MARCHF3: variants seen among roughly 807,000 people sequenced by gnomAD.
MARCHF3 encodes the protein E3 ubiquitin-protein ligase MARCHF3.
MARCHF3 carries 13 observed loss-of-function variants against 24.2 expected under a neutral mutation model. That is an observed-to-expected ratio of 0.54 (90% CI 0.35 to 0.85). The LOEUF (loss-of-function observed/expected upper bound fraction) is 0.85. MARCHF3 is among the 40% of genes least tolerant of loss of function. The pLI is 0.01. For missense variants in MARCHF3, 276 were observed against 325.0 expected (o/e 0.85, Z 1.16); for synonymous variants, 144 against 137.3 (o/e 1.05, Z -0.34).
At chr5:126,914,310 C>T (rs1317444874) in intron 3 of MARCHF3, among the ~76,000 whole-genome samples, 1 of 151,994 alleles carries the variant, frequency 6.6e-6, no homozygotes. Flanking sequence ...AGGTTATTGG[C>T]TGAAAAAAGT....
At chr5:126,927,573 C>T (rs1749336719) in intron 1 of MARCHF3, among the ~76,000 whole-genome samples, 1 of 152,220 alleles carries the variant, frequency 6.6e-6, no homozygotes, top group Non-Finnish European at 1.5e-5. Context: ...CATCTTGGTA[C>T]AGAGTGGCCT....
At chr5:126,946,193 A>C (rs866882466) in intron 1 of MARCHF3, 4 of 152,142 alleles carry the variant, frequency 2.6e-5, no homozygotes, top group Admixed American at 6.5e-5. Context: ...CAACACAGTG[A>C]AACCCCCATC....
chr5:127,004,695 T>C (rs955206872), intron 1 of MARCHF3, among the ~76,000 whole-genome samples: 9 of 152,268 alleles, frequency 5.9e-5, no homozygotes, highest in African/African-American at 2.2e-4. Flanking sequence ...TGCTCAGACA[T>C]AGGAAGGAGT....
At chr5:126,909,683 C>A (rs111501221) in intron 3 of MARCHF3, among the ~76,000 whole-genome samples, 13,974 of 152,120 alleles carry the variant, frequency 0.092, 1,422 homozygotes, top group African/African-American at 0.25. Flanking sequence ...CACACGGTGC[C>A]CGCACCCACT....
chr5:126,883,309 C>T (rs939090176), intron 3 of MARCHF3, among the ~76,000 whole-genome samples: 5 of 152,300 alleles, frequency 3.3e-5, no homozygotes, highest in African/African-American at 1.2e-4. Flanking sequence ...ATTCCGTGGG[C>T]AACCAAGGGC....
chr5:126,944,514 T>C (rs1580668037), intron 1 of MARCHF3, among the ~76,000 whole-genome samples: 1 of 152,136 alleles, frequency 6.6e-6, no homozygotes, highest in East Asian at 1.9e-4. Context: ...GCCCAGGAAG[T>C]TGAGGCTGCA....
At chr5:126,977,359 T>C (rs1055575791) in intron 1 of MARCHF3, among the ~76,000 whole-genome samples, 3 of 152,216 alleles carry the variant, frequency 2.0e-5, no homozygotes, top group Non-Finnish European at 4.4e-5. Context: ...GAATGAATTT[T>C]TATAATAATC....
chr5:126,914,775 C>CACACACACACAG, intron 3 of MARCHF3, 155 bp downstream of exon 3: 1 of 628,440 alleles, frequency 1.6e-6, no homozygotes, highest in Non-Finnish European at 2.9e-6. Context: ...CAAACACACA[C>CACACACACACAG]ACACACACAC....
chr5:126,916,702 C>G (rs1035328575), intron 2 of MARCHF3, among the ~76,000 whole-genome samples: 2 of 119,068 alleles, frequency 1.7e-5, no homozygotes. Context: ...GACACACACA[C>G]ACACACACAC....
intron 1 of MARCHF3, among the ~76,000 whole-genome samples, chr5:126,966,022 T>G (rs954085639): frequency 6.6e-6 from 1 of 152,236 alleles, no homozygotes; most frequent in African/African-American, 2.4e-5. Context: ...AATGAACTAC[T>G]AACAACATGC....
intron 1 of MARCHF3, among the ~76,000 whole-genome samples, chr5:126,981,602 A>T (rs1357840071): frequency 6.6e-6 from 1 of 152,234 alleles, no homozygotes; most frequent in Non-Finnish European, 1.5e-5. Context: ...GAAATACTAA[A>T]CACAGTGTTC....
chr5:126,892,184 T>C (rs1753715353), intron 3 of MARCHF3, among the ~76,000 whole-genome samples: 1 of 142,244 alleles, frequency 7.0e-6, no homozygotes, highest in Non-Finnish European at 1.5e-5. Context: ...TAAGGAGATT[T>C]TGGGCTGAGG....
At chr5:126,925,625 A>T (rs556652733) in intron 1 of MARCHF3, among the ~76,000 whole-genome samples, 1 of 152,350 alleles carries the variant, frequency 6.6e-6, no homozygotes, top group Admixed American at 6.5e-5. Context: ...GTGTTCAAAG[A>T]CACAGCGACA....
intron 3 of MARCHF3, 163 bp downstream of exon 3, chr5:126,914,767 A>AACAC (rs58386463): frequency 0.12 from 58,386 of 473,414 alleles, 988 homozygotes; most frequent in East Asian, 0.16. Context: ...CTCTTTCTCA[A>AACAC]ACACACACAC....
chr5:126,873,449 T>A (rs943148328), intron 4 of MARCHF3, among the ~76,000 whole-genome samples: 22 of 151,156 alleles, frequency 1.5e-4, no homozygotes, highest in Admixed American at 6.6e-5. Context: ...GATTGGGCTA[T>A]TTCCTTTAAG....
At chr5:126,941,160 G>C (rs1749813329) in intron 1 of MARCHF3, among the ~76,000 whole-genome samples, 1 of 152,160 alleles carries the variant, frequency 6.6e-6, no homozygotes, top group Admixed American at 6.5e-5. Context: ...AGGTAAAAGA[G>C]TTATTTTTTA....
rs183010213 is a variant in MARCHF3 at position 126,913,140 on chromosome 5, A to G, written c.393+1790T>C. Among the ~76,000 whole-genome samples, 976 of 152,318 alleles carry G rather than the reference A, an allele frequency of 6.4e-3. 6 individuals are homozygous for G. The highest frequency in any genetic ancestry group is 8.3e-3 in the Non-Finnish European group (567 of 68,020). Reference sequence around the variant, plus strand: ...GATCACTGGGTGATTTGCCACATGGATTTCGTCTGAGAAAAATTAGGGTAT... The same window carrying G: ...GATCACTGGGTGATTTGCCACATGGGTTTCGTCTGAGAAAAATTAGGGTAT... On this transcript the variant is annotated intron_variant, in intron 3 of 4. Coordinates refer to ENST00000308660, the MANE Select transcript of MARCHF3 (RefSeq NM_178450.5).
intron 1 of MARCHF3, among the ~76,000 whole-genome samples, chr5:126,952,685 G>A (rs972097149): frequency 6.6e-5 from 10 of 151,686 alleles, no homozygotes; most frequent in Non-Finnish European, 1.3e-4. Flanking sequence ...ATGCCTAAAC[G>A]TTTATTTCTT....
intron 1 of MARCHF3, among the ~76,000 whole-genome samples, chr5:126,942,946 CTCAGTG>C (rs1370625149): frequency 6.6e-6 from 1 of 152,082 alleles, no homozygotes; most frequent in African/African-American, 2.4e-5. Context: ...GCTAAAATTC[CTCAGTG>C]TCAAACACTG....
Sources: gnomAD v4.1 joint callset for allele counts (sites outside exome capture counted in the v4.1 genomes callset) on GRCh38, gnomAD v4.1.1 for gene constraint, MANE v1.5 for transcripts, NCBI Gene and HGNC (gene_info 2026-07-23, HGNC 2026-07-21) for gene names.